PCDHGA3: variants seen among roughly 807,000 people sequenced by gnomAD.
The protein encoded by PCDHGA3 is protocadherin gamma subfamily A, 3, also known as protocadherin gamma-A3.
In PCDHGA3, 40 loss-of-function variants were observed where a neutral mutation model predicts 58.5. That is an observed-to-expected ratio of 0.68 (90% confidence interval 0.53 to 0.89). PCDHGA3 has a LOEUF of 0.89. PCDHGA3 is among the 40% of genes least tolerant of loss of function. The pLI is 0.00. For missense variants in PCDHGA3, 1,223 were observed against 1,195.9 expected (o/e 1.02, Z -0.33); for synonymous variants, 530 against 525.7 (o/e 1.01, Z -0.11).
chr5:141,406,553 C>T (rs990498102), intron 1 of PCDHGA3, among the ~76,000 whole-genome samples: 1 of 152,150 alleles, frequency 6.6e-6, no homozygotes, highest in African/African-American at 2.4e-5. Flanking sequence ...CTTCAGTTAT[C>T]CACTTCCAAA....
intron 1 of PCDHGA3, chr5:141,404,234 G>A (rs2094500908): frequency 6.2e-7 from 1 of 1,613,770 alleles, no homozygotes; most frequent in African/African-American, 1.3e-5. Context: ...AACAGACAGA[G>A]GAACTCCGCC....
intron 1 of PCDHGA3, chr5:141,361,978 G>A (rs768035104): frequency 6.9e-6 from 11 of 1,600,872 alleles, no homozygotes; most frequent in African/African-American, 6.7e-5. Context: ...CAGCGAGCCC[G>A]GGCTCTTCAG....
intron 1 of PCDHGA3, chr5:141,390,466 G>A: frequency 1.4e-6 from 1 of 712,034 alleles, no homozygotes; most frequent in East Asian, 2.7e-5. Context: ...AGGAGCAATT[G>A]TGTGGCCCAA....
intron 1 of PCDHGA3, chr5:141,475,832 T>C: frequency 2.4e-6 from 1 of 410,610 alleles, no homozygotes; most frequent in Non-Finnish European, 4.4e-6. Flanking sequence ...CTAGCGCGTG[T>C]CCTGCTCAGA....
At chr5:141,386,725 TA>T (rs1200567298) in intron 1 of PCDHGA3, among the ~76,000 whole-genome samples, 3 of 152,182 alleles carry the variant, frequency 2.0e-5, no homozygotes, top group African/African-American at 7.2e-5. Context: ...CCAACAATGT[TA>T]CTGAGGGAAG....
intron 1 of PCDHGA3, among the ~76,000 whole-genome samples, chr5:141,346,816 T>C (rs1341406572): frequency 6.6e-6 from 1 of 152,256 alleles, no homozygotes; most frequent in East Asian, 1.9e-4. Context: ...CTGGTTTGTA[T>C]ACCTGTGATA....
intron 2 of PCDHGA3, among the ~76,000 whole-genome samples, chr5:141,500,893 A>G (rs1393294152): frequency 1.1e-5 from 1 of 94,848 alleles, no homozygotes; most frequent in Non-Finnish European, 2.0e-5. Context: ...TTTTTTTGAG[A>G]CAGTCTCGCT....
At chr5:141,427,952 T>C (rs1311471634) in intron 1 of PCDHGA3, 38 of 1,587,018 alleles carry the variant, frequency 2.4e-5, no homozygotes, top group Non-Finnish European at 2.8e-5. Flanking sequence ...TCAATGACAA[T>C]GTGCCGCGGG....
rs754178145 is a variant in PCDHGA3 at position 141,489,423 on chromosome 5, C to G, written c.2425-5384C>G. On this transcript the variant is annotated intron_variant, in intron 1 of 3. Transcript: ENST00000253812. The surrounding 1 kb of genome is among the most constrained non-coding windows in gnomAD (Gnocchi z 4.5). ...GCTTAAAGATGACAGATCTGTTGAG[C>G]CGGCGGCTGCAATTGGGCTCTGAGG... 3 of 1,614,098 alleles carry G rather than the reference C, an allele frequency of 1.9e-6. No individual in the cohort carries two copies. The highest frequency in any genetic ancestry group is 1.7e-5 in the Admixed American group (1 of 60,020).
At chr5:141,355,073 G>T in intron 1 of PCDHGA3, 1 of 1,374,922 alleles carries the variant, frequency 7.3e-7, no homozygotes, top group East Asian at 2.4e-5. Flanking sequence ...CTTTATGAAA[G>T]CTTCAAGCGG....
intron 1 of PCDHGA3, chr5:141,419,197 T>A (rs560134083): frequency 6.2e-7 from 1 of 1,613,966 alleles, no homozygotes; most frequent in East Asian, 2.2e-5. Flanking sequence ...CTGACGTCAA[T>A]GACAACGCGC....
In PCDHGA3 at chr5:141,413,117, C is replaced by G. The variant is rs902301902; in HGVS notation, c.2424+66660C>G. 1.9e-5 allele frequency: 29 copies of G among 1,509,004 alleles called. No homozygotes were observed. In the African/African-American group the frequency reaches 4.1e-4, roughly 21 times the overall value. The allele number at this position is 1,509,004 out of a possible 1,614,324, so 93.5% of individuals were successfully genotyped here. ...TGAAGCCACAGAAAGACAAAGGAAC[C>G]GGTTGAAACACACAACGTGTCCAGT... On this transcript the variant is annotated intron_variant, in intron 1 of 3. Transcript: ENST00000253812.
chr5:141,382,029 A>G (rs574099831), intron 1 of PCDHGA3, among the ~76,000 whole-genome samples: 1 of 151,502 alleles, frequency 6.6e-6, no homozygotes, highest in Non-Finnish European at 1.5e-5. Context: ...GGGTTTCTCC[A>G]TGTTGGTCAG....
chr5:141,494,926 G>T, intron 2 of PCDHGA3, 61 bp downstream of exon 2: 1 of 1,613,498 alleles, frequency 6.2e-7, no homozygotes, highest in Non-Finnish European at 8.5e-7. Flanking sequence ...GGATGACGTG[G>T]GAGGAGATGG....
chr5:141,491,598 C>T lies in PCDHGA3; in HGVS notation c.2425-3209C>T, dbSNP rs1410472886. On this transcript the variant is annotated intron_variant, in intron 1 of 3. Transcript: ENST00000253812. This position sits in a 1 kb window ranked among gnomAD's most constrained non-coding sequence, Gnocchi z 6.9. ...TTTCACCGGCCTCGGACGGCAGTGA[C>T]TTCACTTTTCTAAGACCCCTCAGCG... 1.4e-5 allele frequency: 22 copies of T among 1,613,872 alleles called. No homozygotes were observed. The highest frequency in any genetic ancestry group is 1.8e-5 in the Non-Finnish European group (21 of 1,180,048).
chr5:141,403,489 C>T (rs187216481), intron 1 of PCDHGA3: 2 of 1,614,050 alleles, frequency 1.2e-6, no homozygotes, highest in East Asian at 2.2e-5. Flanking sequence ...ACCACTTCTC[C>T]CTGAACGTGC....
At chr5:141,505,673 G>C (rs1389292278) in intron 3 of PCDHGA3, among the ~76,000 whole-genome samples, 192 bp downstream of exon 3, 1 of 152,178 alleles carries the variant, frequency 6.6e-6, no homozygotes, top group East Asian at 1.9e-4. Context: ...AGGGGTTGGG[G>C]GTCCTGGGAT....
chr5:141,405,118 G>T (rs368800698), intron 1 of PCDHGA3: 1 of 1,613,946 alleles, frequency 6.2e-7, no homozygotes, highest in Non-Finnish European at 8.5e-7. Context: ...GGCACTCCTC[G>T]CATCTGCTGC....
At chr5:141,364,904 C>A (rs748515825) in intron 1 of PCDHGA3, 1 of 1,613,994 alleles carries the variant, frequency 6.2e-7, no homozygotes, top group South Asian at 1.1e-5. Flanking sequence ...ACAAAAGTAT[C>A]CGGAGCTGGT....
Sources: gnomAD v4.1 joint callset for allele counts (sites outside exome capture counted in the v4.1 genomes callset) on GRCh38, gnomAD v4.1.1 for gene constraint, Gnocchi (gnomAD v3.1) non-coding constraint, MANE v1.5 for transcripts, NCBI Gene and HGNC (gene_info 2026-07-23, HGNC 2026-07-21) for gene names.